Variants in ARSF observed in about 807,000 individuals in gnomAD.
ARSF encodes arylsulfatase F.
In ARSF, 33 loss-of-function variants were observed where a neutral mutation model predicts 35.4. The observed-to-expected ratio is 0.93, with a 90% confidence interval of 0.71 to 1.25. The LOEUF (loss-of-function observed/expected upper bound fraction) is 1.25, where lower values mean the gene tolerates loss of function less well. Among genes scored for constraint, ARSF ranks in the 50% most tolerant of loss-of-function variants. ARSF has a pLI of 0.00. For missense variants in ARSF, 501 were observed against 480.2 expected (o/e 1.04, Z -0.40); for synonymous variants, 222 against 193.1 (o/e 1.15, Z -1.24).
chrX:3,101,682 C>T (rs906132920), intron 8 of ARSF, among the ~76,000 whole-genome samples: 1 of 111,203 alleles, frequency 9.0e-6, no homozygotes, highest in African/African-American at 3.3e-5. Context: ...GTAGACAAGC[C>T]TGTCTTGGGT....
chrX:3,077,646 A>G (rs1387001696), intron 4 of ARSF, among the ~76,000 whole-genome samples: 1 of 109,387 alleles, frequency 9.1e-6, no homozygotes, highest in East Asian at 2.9e-4. Flanking sequence ...CTCAAAACAA[A>G]CAAACAGCAA....
intron 1 of ARSF, among the ~76,000 whole-genome samples, chrX:3,067,131 C>CGTGTGT (rs368895328): frequency 6.1e-5 from 6 of 97,949 alleles, no homozygotes; most frequent in Non-Finnish European, 2.1e-5. Context: ...TAACCAAGAA[C>CGTGTGT]GTGTGTGTGT....
At chrX:3,072,802 A>G (rs1421535180) in intron 3 of ARSF, among the ~76,000 whole-genome samples, 1 of 106,215 alleles carries the variant, frequency 9.4e-6, no homozygotes, top group East Asian at 2.9e-4. Flanking sequence ...ATATTCATAT[A>G]TGAATATATT....
chrX:3,073,619 T>C (rs930951934), intron 3 of ARSF, among the ~76,000 whole-genome samples: 2 of 98,888 alleles, frequency 2.0e-5, no homozygotes, highest in African/African-American at 7.2e-5. Context: ...TATAAATATT[T>C]ATAAATATAT....
chrX:3,081,376 A>C (rs1377586113), intron 5 of ARSF, among the ~76,000 whole-genome samples: 1 of 111,551 alleles, frequency 9.0e-6, no homozygotes, highest in Non-Finnish European at 1.9e-5. Context: ...TCACTGTGTC[A>C]CCCAGGCTGG....
chrX:3,045,471 C>G (rs2089970826), intron 1 of ARSF, among the ~76,000 whole-genome samples: 2 of 110,557 alleles, frequency 1.8e-5, no homozygotes, highest in African/African-American at 6.6e-5. Flanking sequence ...TTGGTTGGAC[C>G]AGGTGTACCA....
At chrX:3,072,242 C>T in intron 3 of ARSF, 67 bp downstream of exon 3, 1 of 1,106,730 alleles carries the variant, frequency 9.0e-7, no homozygotes. Flanking sequence ...GGCTGTACGG[C>T]TGCATCTATG....
intron 4 of ARSF, among the ~76,000 whole-genome samples, chrX:3,077,789 T>TTTATTATTATTATGATTA (rs1555919563): frequency 2.2e-5 from 2 of 92,225 alleles, no homozygotes; most frequent in East Asian, 7.3e-4. Flanking sequence ...TTTTATTTTA[T>TTTATTATTATTATGATTA]TTATTATTAT....
chrX:3,112,635 A>T lies in ARSF; in HGVS notation c.*79A>T, dbSNP rs1158042832. 1 of 1,048,166 alleles carries T rather than the reference A, an allele frequency of 9.5e-7. No individual in the cohort carries two copies. The highest frequency in any genetic ancestry group is 1.9e-5 in the African/African-American group (1 of 52,711). 86.4% of individuals were successfully genotyped at this position (1,048,166 alleles called of 1,213,427 possible). A position where few individuals can be genotyped will look rare whatever the true frequency, so the allele number is the denominator to read the frequency against. On this transcript the variant is annotated 3_prime_UTR_variant, in exon 11 of 11. Transcript: ENST00000381127. Reference sequence around the variant, plus strand: ...CAATCAGGCTACCAAAGGAAGCACTAACTTTGGTGCTTTCAAGTTGGCAAG... The same window carrying T: ...CAATCAGGCTACCAAAGGAAGCACTTACTTTGGTGCTTTCAAGTTGGCAAG...
Position 3,076,600 on chromosome X carries a change from A to G in ARSF, c.214A>G (p.Ile72Val), listed in dbSNP as rs773922083. The G allele has an allele frequency of 2.5e-6, 3 of 1,210,615 alleles. No individual in the cohort carries two copies. The highest frequency in any genetic ancestry group is 3.4e-6 in the Non-Finnish European group (3 of 895,175). Residue 72 changes from isoleucine to valine, a missense_variant, in exon 4 of 11, where the codon ATC becomes GTC. Transcript: ENST00000381127. Reference sequence around the variant, plus strand: ...GGAAGGCGTGCGACTGACTCAGCACATCTCTGCCGCCTCCCTCTGCAGCCC... The same window carrying G: ...GGAAGGCGTGCGACTGACTCAGCACGTCTCTGCCGCCTCCCTCTGCAGCCC... ...AREGVRLTQH[I>V]SAASLCSPSR...
chrX:3,086,252 C>T (rs946630172), intron 6 of ARSF, among the ~76,000 whole-genome samples: 2 of 112,144 alleles, frequency 1.8e-5, no homozygotes, highest in African/African-American at 6.5e-5. Context: ...CGTCTTCAAA[C>T]ATTCCCACAC....
chrX:3,054,740 T>C (rs926707747), intron 1 of ARSF, among the ~76,000 whole-genome samples: 6 of 104,130 alleles, frequency 5.8e-5, no homozygotes, highest in Admixed American at 1.0e-4. Context: ...ACTGCTCTCT[T>C]TTTTTTTTTT....
At chrX:3,055,999 T>G (rs2090016563) in intron 1 of ARSF, among the ~76,000 whole-genome samples, 1 of 111,833 alleles carries the variant, frequency 8.9e-6, no homozygotes, top group Admixed American at 9.6e-5. Context: ...TTGCCCGGGC[T>G]GTAGAACAGT....
At position 3,112,644 on chromosome X, in the gene ARSF, G is replaced by T; in HGVS notation, c.*88G>T. ...TACCAAAGGAAGCACTAACTTTGGT[G>T]CTTTCAAGTTGGCAAGGAGTGCATT... On this transcript the variant is annotated 3_prime_UTR_variant, in exon 11 of 11. Transcript: ENST00000381127. 1 of 1,066,652 alleles carries T rather than the reference G, an allele frequency of 9.4e-7. No homozygotes were observed. The highest frequency in any genetic ancestry group is 1.9e-5 in the African/African-American group (1 of 53,294). The allele number at this position is 1,066,652 out of a possible 1,213,427, so 87.9% of individuals were successfully genotyped here.
At chrX:3,091,583 A>C (rs1400452787) in intron 7 of ARSF, among the ~76,000 whole-genome samples, 1 of 112,842 alleles carries the variant, frequency 8.9e-6, no homozygotes, top group Admixed American at 9.4e-5. Flanking sequence ...TTAAGCCTGG[A>C]AAAAGCAAAG....
intron 6 of ARSF, among the ~76,000 whole-genome samples, chrX:3,088,203 T>C (rs751005285): frequency 3.0e-4 from 34 of 111,940 alleles, no homozygotes; most frequent in African/African-American, 1.1e-3. Context: ...TACTGGCTTA[T>C]GGCTCGTGAA....
At chrX:3,065,756 C>G (rs1419041068) in intron 1 of ARSF, among the ~76,000 whole-genome samples, 1 of 110,729 alleles carries the variant, frequency 9.0e-6, no homozygotes, top group Non-Finnish European at 1.9e-5. Context: ...CAAAATTCCT[C>G]TCCAGGTACA....
At chrX:3,058,051 G>T (rs1384096755) in intron 1 of ARSF, among the ~76,000 whole-genome samples, 1 of 111,834 alleles carries the variant, frequency 8.9e-6, no homozygotes, top group Non-Finnish European at 1.9e-5. Flanking sequence ...TCAAAGGTTT[G>T]TTCCTTTTCA....
intron 6 of ARSF, among the ~76,000 whole-genome samples, chrX:3,087,893 A>G (rs976714193): frequency 1.7e-4 from 19 of 112,090 alleles, no homozygotes; most frequent in Non-Finnish European, 3.2e-4. Context: ...CCCCATTTCC[A>G]AATAAGGTCC....
Sources: gnomAD v4.1 joint callset for allele counts (sites outside exome capture counted in the v4.1 genomes callset) on GRCh38, gnomAD v4.1.1 for gene constraint, MANE v1.5 for transcripts, NCBI Gene and HGNC (gene_info 2026-07-23, HGNC 2026-07-21) for gene names.